The following CADPS2 variants were observed in gnomAD, a reference collection of about 807,000 sequenced individuals.
The protein encoded by CADPS2 is calcium dependent secretion activator 2.
Under a neutral mutation model 172.5 loss-of-function variants are expected in CADPS2, and 93 were observed. That is an observed-to-expected ratio of 0.54 (90% CI 0.46 to 0.64). CADPS2 has a LOEUF of 0.64. CADPS2 is among the 30% of genes least tolerant of loss of function. The probability of loss-of-function intolerance (pLI) is 0.00; values close to 1 mark genes in which losing one functional copy is unlikely to be tolerated. For missense variants in CADPS2, 1,420 were observed against 1,565.9 expected, an observed-to-expected ratio of 0.91 and a Z score of 1.57; for synonymous variants, 546 against 555.2, an observed-to-expected ratio of 0.98 and a Z score of 0.23.
chr7:122,806,256 G>A (rs112663366), intron 1 of CADPS2, among the ~76,000 whole-genome samples: 10 of 152,154 alleles, frequency 6.6e-5, no homozygotes, highest in Non-Finnish European at 1.5e-4. Flanking sequence ...ACTTTAGAAT[G>A]AATAAATCAG....
intron 1 of CADPS2, among the ~76,000 whole-genome samples, chr7:122,859,084 G>T (rs1816185282): frequency 6.6e-6 from 1 of 152,102 alleles, no homozygotes; most frequent in South Asian, 2.1e-4. Flanking sequence ...TACCTCAAAA[G>T]TTACTTTTCA....
At chr7:122,454,761 G>T (rs527668706) in intron 14 of CADPS2, among the ~76,000 whole-genome samples, 7 of 152,234 alleles carry the variant, frequency 4.6e-5, no homozygotes, top group South Asian at 4.1e-4. Flanking sequence ...GAGTATTCGA[G>T]ATTTAAAAAT....
intron 8 of CADPS2, among the ~76,000 whole-genome samples, chr7:122,548,798 T>C (rs1032271990): frequency 9.8e-5 from 15 of 152,320 alleles, no homozygotes; most frequent in African/African-American, 3.6e-4. Context: ...CTCAAGTCAG[T>C]TGCTCAGACA....
intron 27 of CADPS2, among the ~76,000 whole-genome samples, chr7:122,355,875 G>T (rs778462896): frequency 3.3e-5 from 5 of 152,142 alleles, no homozygotes; most frequent in Non-Finnish European, 7.4e-5. Flanking sequence ...CAGATAAAAT[G>T]AATTAACAGT....
chr7:122,652,871 C>T (rs1392474219), intron 3 of CADPS2, among the ~76,000 whole-genome samples: 5 of 152,074 alleles, frequency 3.3e-5, no homozygotes, highest in African/African-American at 1.2e-4. Flanking sequence ...AATTTCATAT[C>T]TTAACTATGG....
chr7:122,699,076 G>A (rs1247685711), intron 2 of CADPS2: 2 of 591,850 alleles, frequency 3.4e-6, no homozygotes, highest in Non-Finnish European at 6.0e-6. Flanking sequence ...TGGCTTATGA[G>A]TTTCAGATGT....
chr7:122,588,739 T>C (rs182647384), intron 6 of CADPS2, among the ~76,000 whole-genome samples: 10 of 151,922 alleles, frequency 6.6e-5, no homozygotes, highest in African/African-American at 2.4e-4. Flanking sequence ...TATGAGAGAT[T>C]TGCTGAAGAA....
intron 3 of CADPS2, among the ~76,000 whole-genome samples, chr7:122,662,873 T>C (rs1310266974): frequency 6.6e-6 from 1 of 152,188 alleles, no homozygotes. Flanking sequence ...AAATATTATT[T>C]TGCAGTGAGA....
At chr7:122,541,718 T>C (rs900977215) in intron 8 of CADPS2, among the ~76,000 whole-genome samples, 4 of 145,972 alleles carry the variant, frequency 2.7e-5, no homozygotes, top group Non-Finnish European at 6.0e-5. Context: ...TATATTTACA[T>C]ATATTCATAT....
At chr7:122,692,279 A>C (rs1296955850) in intron 2 of CADPS2, among the ~76,000 whole-genome samples, 1 of 151,914 alleles carries the variant, frequency 6.6e-6, no homozygotes, top group African/African-American at 2.4e-5. Context: ...TGGTGGGGGG[A>C]GGGTCCCTAG....
At chr7:122,639,893 G>A (rs1218680896) in intron 3 of CADPS2, among the ~76,000 whole-genome samples, 2 of 152,112 alleles carry the variant, frequency 1.3e-5, no homozygotes, top group East Asian at 3.9e-4. Context: ...ATGATCATAA[G>A]CAGCATCTAG....
At chr7:122,880,936 CTG>C (rs925352040) in intron 1 of CADPS2, among the ~76,000 whole-genome samples, 1 of 152,162 alleles carries the variant, frequency 6.6e-6, no homozygotes, top group Non-Finnish European at 1.5e-5. Context: ...AGGCTAAAAA[CTG>C]AAACAGCAAT....
intron 3 of CADPS2, among the ~76,000 whole-genome samples, chr7:122,636,944 C>A (rs908236834): frequency 6.6e-6 from 1 of 152,048 alleles, no homozygotes; most frequent in African/African-American, 2.4e-5. Context: ...TAATGTTTTC[C>A]AAGTTGCTTA....
chr7:122,352,635 T>C (rs1016139436), intron 27 of CADPS2, among the ~76,000 whole-genome samples: 1 of 152,194 alleles, frequency 6.6e-6, no homozygotes, highest in African/African-American at 2.4e-5. Flanking sequence ...TCTAGGTGAA[T>C]ATGCCCCTGT....
chr7:122,423,845 C>A (rs1266791586), intron 17 of CADPS2, among the ~76,000 whole-genome samples: 1 of 152,174 alleles, frequency 6.6e-6, no homozygotes. Flanking sequence ...AGGTGATGCT[C>A]ATGATGCTGG....
At chr7:122,716,097 T>C (rs2089557628) in intron 2 of CADPS2, among the ~76,000 whole-genome samples, 1 of 152,138 alleles carries the variant, frequency 6.6e-6, no homozygotes, top group Non-Finnish European at 1.5e-5. Context: ...ATATATGTCA[T>C]AACATCACAT....
intron 1 of CADPS2, among the ~76,000 whole-genome samples, chr7:122,789,040 G>T (rs1401754780): frequency 6.6e-6 from 1 of 152,170 alleles, no homozygotes; most frequent in Admixed American, 6.5e-5. Context: ...CAGAATTTAA[G>T]ATGCTCAGAG....
chr7:122,528,896 T>C (rs1407193091), intron 8 of CADPS2, among the ~76,000 whole-genome samples: 1 of 152,154 alleles, frequency 6.6e-6, no homozygotes, highest in African/African-American at 2.4e-5. Context: ...ATGTCCAAAA[T>C]GAACTACCAC....
At chr7:122,713,660 T>C (rs1402348851) in intron 2 of CADPS2, among the ~76,000 whole-genome samples, 1 of 152,082 alleles carries the variant, frequency 6.6e-6, no homozygotes, top group Admixed American at 6.6e-5. Flanking sequence ...AGTATCACTT[T>C]TCCATATATA....
Sources: gnomAD v4.1 joint callset for allele counts (sites outside exome capture counted in the v4.1 genomes callset) on GRCh38, gnomAD v4.1.1 for gene constraint, MANE v1.5 for transcripts, NCBI Gene and HGNC (gene_info 2026-07-23, HGNC 2026-07-21) for gene names.